The following TNNI3K variants were observed in gnomAD, a reference collection of about 807,000 sequenced individuals.
TNNI3K encodes the protein TNNI3 interacting kinase, also known as serine/threonine-protein kinase TNNI3K.
In TNNI3K, 140 loss-of-function variants were observed where a neutral mutation model predicts 114.5. The ratio of observed to expected loss-of-function variants is 1.22; its 90% CI spans 1.07 to 1.41. The LOEUF (loss-of-function observed/expected upper bound fraction) is 1.41. Among genes scored for constraint, TNNI3K ranks in the 40% most tolerant of loss-of-function variants. The pLI is 0.00. For synonymous variants in TNNI3K, 347 were observed against 347.5 expected (o/e 1.00, Z 0.02); for missense variants, 1,125 against 1,007.6 (o/e 1.12, Z -1.58).
At chr1:74,471,297 C>G (rs1196625310) in intron 21 of TNNI3K, 1 of 400,538 alleles carries the variant, frequency 2.5e-6, no homozygotes, top group Non-Finnish European at 4.4e-6. Flanking sequence ...AGTTGCTACT[C>G]TCTGACTGTT....
At chr1:74,300,965 G>A (rs1469464304) in intron 5 of TNNI3K, among the ~76,000 whole-genome samples, 8 of 152,104 alleles carry the variant, frequency 5.3e-5, no homozygotes, top group African/African-American at 1.7e-4. Flanking sequence ...ACTGATCTAC[G>A]AGGTTCTATC....
chr1:74,434,998 G>C (rs979423234), intron 17 of TNNI3K, among the ~76,000 whole-genome samples: 1 of 151,834 alleles, frequency 6.6e-6, no homozygotes, highest in Non-Finnish European at 1.5e-5. Flanking sequence ...AAATAGTTAA[G>C]GGTAAAGGAA....
intron 5 of TNNI3K, among the ~76,000 whole-genome samples, chr1:74,273,443 A>T (rs1656478899): frequency 6.6e-6 from 1 of 152,018 alleles, no homozygotes; most frequent in Non-Finnish European, 1.5e-5. Flanking sequence ...GAAATAATTT[A>T]TGAGTTAGAC....
intron 23 of TNNI3K, among the ~76,000 whole-genome samples, chr1:74,509,289 G>C (rs756617247): frequency 6.6e-5 from 10 of 152,138 alleles, no homozygotes; most frequent in Non-Finnish European, 1.2e-4. Context: ...CTACCCAGCA[G>C]CTATTTATGA....
intron 20 of TNNI3K, among the ~76,000 whole-genome samples, chr1:74,454,235 C>A (rs140452479): frequency 6.6e-6 from 1 of 152,160 alleles, no homozygotes; most frequent in East Asian, 1.9e-4. Flanking sequence ...TAATTCTGTT[C>A]TTTAGTTGTT....
intron 21 of TNNI3K, among the ~76,000 whole-genome samples, chr1:74,481,442 A>G (rs906674392): frequency 6.6e-6 from 1 of 152,112 alleles, no homozygotes; most frequent in African/African-American, 2.4e-5. Context: ...TTTCTCCCAA[A>G]AGTAAAGGTG....
chr1:74,538,855 A>G (rs577117122), intron 23 of TNNI3K, among the ~76,000 whole-genome samples: 52 of 152,302 alleles, frequency 3.4e-4, no homozygotes, highest in African/African-American at 1.1e-3. Flanking sequence ...GCCAAAAAGA[A>G]GAAGCATTTA....
chr1:74,317,934 A>G (rs1336608858), intron 5 of TNNI3K, among the ~76,000 whole-genome samples: 1 of 152,094 alleles, frequency 6.6e-6, no homozygotes, highest in Non-Finnish European at 1.5e-5. Context: ...TTCTTTGCAC[A>G]GTTTTCTTGT....
chr1:74,246,786 A>G (rs556343098), intron 2 of TNNI3K, among the ~76,000 whole-genome samples: 5 of 152,306 alleles, frequency 3.3e-5, no homozygotes, highest in African/African-American at 1.2e-4. Context: ...CAGTTTTTCA[A>G]TATGTATGTC....
chr1:74,521,974 T>C (rs1386593411), intron 23 of TNNI3K, among the ~76,000 whole-genome samples: 1 of 152,176 alleles, frequency 6.6e-6, no homozygotes, highest in African/African-American at 2.4e-5. Flanking sequence ...AACAGGTAAC[T>C]GAGATCCAGG....
At chr1:74,292,292 A>T in intron 5 of TNNI3K, among the ~76,000 whole-genome samples, 1 of 150,990 alleles carries the variant, frequency 6.6e-6, no homozygotes, top group Non-Finnish European at 1.5e-5. Context: ...TGTTTTTCTA[A>T]TTTCTTAAGA....
intron 17 of TNNI3K, among the ~76,000 whole-genome samples, chr1:74,431,851 A>G (rs1168477219): frequency 6.6e-6 from 1 of 152,174 alleles, no homozygotes; most frequent in Non-Finnish European, 1.5e-5. Context: ...GTTAGCAAAC[A>G]GCATGGAGTA....
chr1:74,542,382 C>T (rs1464825462), intron 24 of TNNI3K, among the ~76,000 whole-genome samples: 1 of 152,208 alleles, frequency 6.6e-6, no homozygotes, highest in African/African-American at 2.4e-5. Flanking sequence ...AATGAAGTCT[C>T]ATTTTTAGCC....
chr1:74,400,119 A>T (rs1664285809), intron 17 of TNNI3K, among the ~76,000 whole-genome samples: 1 of 152,226 alleles, frequency 6.6e-6, no homozygotes, highest in Non-Finnish European at 1.5e-5. Context: ...GTAGAAATTT[A>T]TAATGCAATC....
At chr1:74,273,981 C>T (rs1397938660) in intron 5 of TNNI3K, among the ~76,000 whole-genome samples, 3 of 151,730 alleles carry the variant, frequency 2.0e-5, no homozygotes, top group Non-Finnish European at 2.9e-5. Flanking sequence ...TGACTTTTGA[C>T]CAATGTGGGA....
intron 21 of TNNI3K, among the ~76,000 whole-genome samples, chr1:74,477,283 T>C (rs142552044): frequency 1.2e-4 from 19 of 152,276 alleles, no homozygotes; most frequent in Admixed American, 4.6e-4. Flanking sequence ...CTCTAACACT[T>C]ATTTTTTTTC....
intron 5 of TNNI3K, among the ~76,000 whole-genome samples, chr1:74,288,424 G>A (rs1657463883): frequency 6.6e-6 from 1 of 152,004 alleles, no homozygotes; most frequent in Admixed American, 6.6e-5. Context: ...TCATATATGT[G>A]AATATTATTT....
At chr1:74,396,632 G>C (rs952114974) in intron 17 of TNNI3K, among the ~76,000 whole-genome samples, 1 of 152,186 alleles carries the variant, frequency 6.6e-6, no homozygotes, top group African/African-American at 2.4e-5. Context: ...TGCCAGCTGA[G>C]CAGAAATTCC....
intron 5 of TNNI3K, among the ~76,000 whole-genome samples, chr1:74,281,091 C>T (rs1271547820): frequency 4.6e-5 from 7 of 152,076 alleles, no homozygotes; most frequent in African/African-American, 9.7e-5. Flanking sequence ...GAACCCAGTG[C>T]GCTGAAGGGA....
Sources: allele counts gnomAD v4.1 joint callset (sites outside exome capture counted in the v4.1 genomes callset), GRCh38; gene constraint gnomAD v4.1.1; transcripts MANE v1.5; gene names NCBI Gene and HGNC (gene_info 2026-07-23, HGNC 2026-07-21).